DCBLD1: variants seen among roughly 807,000 people sequenced by gnomAD.
DCBLD1 encodes the protein discoidin, CUB and LCCL domain-containing protein 1.
A neutral mutation model predicts 71.5 loss-of-function variants in DCBLD1; 57 were observed. The ratio of observed to expected loss-of-function variants is 0.80; its 90% CI spans 0.64 to 0.99. The LOEUF (loss-of-function observed/expected upper bound fraction) is 0.99. Among genes scored for constraint, DCBLD1 ranks in the 50% least tolerant of loss-of-function variants. DCBLD1 has a pLI of 0.00. For synonymous variants in DCBLD1, 380 were observed against 363.8 expected (o/e 1.04, Z -0.51); for missense variants, 891 against 923.5 (o/e 0.96, Z 0.46).
At chr6:117,558,234 C>T (rs534660581) in intron 14 of DCBLD1, among the ~76,000 whole-genome samples, 1 of 152,302 alleles carries the variant, frequency 6.6e-6, no homozygotes, top group Admixed American at 6.5e-5. Context: ...GCCTGAAGCT[C>T]AGCTGTTTCA....
At chr6:117,535,091 A>G (rs1290178377) in intron 6 of DCBLD1, among the ~76,000 whole-genome samples, 2 of 152,214 alleles carry the variant, frequency 1.3e-5, no homozygotes, top group African/African-American at 4.8e-5. Flanking sequence ...GAAACACTGT[A>G]CATGCGGTCA....
chr6:117,484,035 A>T (rs139397409), intron 1 of DCBLD1, among the ~76,000 whole-genome samples: 1 of 152,246 alleles, frequency 6.6e-6, no homozygotes, highest in East Asian at 1.9e-4. Context: ...GTACTGTAGC[A>T]CAATACTAGG....
At chr6:117,530,265 G>A (rs541449679) in intron 5 of DCBLD1, among the ~76,000 whole-genome samples, 9 of 152,148 alleles carry the variant, frequency 5.9e-5, no homozygotes, top group Non-Finnish European at 1.0e-4. Context: ...TGGCAACAGG[G>A]ACCACTTTTG....
chr6:117,523,601 T>C (rs1259753284), intron 4 of DCBLD1, among the ~76,000 whole-genome samples: 1 of 152,216 alleles, frequency 6.6e-6, no homozygotes, highest in Non-Finnish European at 1.5e-5. Flanking sequence ...GGGAATTGGC[T>C]CTAGGGAATT....
chr6:117,568,394 T>C (rs2114605589), intron 14 of DCBLD1, among the ~76,000 whole-genome samples: 1 of 152,326 alleles, frequency 6.6e-6, no homozygotes, highest in East Asian at 1.9e-4. Context: ...TCTTTGGTGC[T>C]CTTCTTTCCC....
chr6:117,517,449 A>G (rs1316089608), intron 2 of DCBLD1, among the ~76,000 whole-genome samples: 1 of 151,930 alleles, frequency 6.6e-6, no homozygotes. Context: ...TTCAGGTGCA[A>G]TGGATCTACC....
At chr6:117,550,280 G>A (rs1471427666), downstream of DCBLD1, among the ~76,000 whole-genome samples, 4 of 152,082 alleles carry the variant, frequency 2.6e-5, no homozygotes, top group Non-Finnish European at 5.9e-5. Flanking sequence ...CTTCCTCAGG[G>A]TAGACTCTGT....
rs1191402591 is a variant in DCBLD1, at chr6:117,547,908, T to C, written c.1617T>C (p.Asp539=). 6.4e-7 allele frequency: 1 copy of C among 1,550,454 alleles called. No individual in the cohort carries two copies. The highest frequency in any genetic ancestry group is 1.2e-5 in the South Asian group (1 of 84,056). ...CTGCCATCTGTCTTGTGGTTTCAGATTACCAGCAGCCCCTCATGATTGGCA... is the reference window on the plus strand; with the variant it reads ...CTGCCATCTGTCTTGTGGTTTCAGACTACCAGCAGCCCCTCATGATTGGCA... ...KLDLITSDMA[D]YQQPLMIGTG... is the part of the protein sequence containing the mutation. The change falls in exon 15 of 15, where the codon GAT becomes GAC. Residue 539 remains aspartate (D), a splice_region_variant and synonymous_variant. Transcript: ENST00000338728.
At chr6:117,528,990 G>A (rs1325343515) in intron 5 of DCBLD1, among the ~76,000 whole-genome samples, 1 of 152,104 alleles carries the variant, frequency 6.6e-6, no homozygotes, top group Non-Finnish European at 1.5e-5. Context: ...ACAGACGCCT[G>A]CCACCATGCC....
intron 14 of DCBLD1, 88 bp from the exon 15 acceptor site, chr6:117,547,819 A>G (rs1779319891): frequency 6.5e-7 from 1 of 1,546,034 alleles, no homozygotes; most frequent in Non-Finnish European, 8.7e-7. Context: ...GTCAGTCACC[A>G]CGACCTGAAG....
intron 14 of DCBLD1, among the ~76,000 whole-genome samples, chr6:117,556,712 A>ATTTC (rs1257285013): frequency 1.3e-5 from 2 of 151,984 alleles, no homozygotes; most frequent in African/African-American, 4.8e-5. Context: ...TTTCAATATA[A>ATTTC]TTTCTTTCTT....
intron 14 of DCBLD1, chr6:117,563,227 AC>A (rs770014429): frequency 8.7e-6 from 14 of 1,602,884 alleles, no homozygotes; most frequent in Middle Eastern, 1.7e-4. Flanking sequence ...AGTCTGATTA[AC>A]AATCTTGTCT....
chr6:117,519,752 C>T, intron 2 of DCBLD1, 64 bp from the exon 3 acceptor site: 2 of 1,571,634 alleles, frequency 1.3e-6, no homozygotes, highest in South Asian at 2.3e-5. Context: ...AAAAAAATGC[C>T]ATATACCAGT....
chr6:117,543,855 G>T (rs1183305639), intron 12 of DCBLD1, among the ~76,000 whole-genome samples: 1 of 152,090 alleles, frequency 6.6e-6, no homozygotes, highest in Admixed American at 6.5e-5. Context: ...GCCTCCCCAA[G>T]CCTGTTTCCT....
intron 1 of DCBLD1, among the ~76,000 whole-genome samples, chr6:117,497,512 G>A (rs531565949): frequency 3.9e-5 from 6 of 152,190 alleles, no homozygotes; most frequent in Admixed American, 2.0e-4. Flanking sequence ...AAAGTAGCTT[G>A]TATATCGACA....
intron 14 of DCBLD1, among the ~76,000 whole-genome samples, chr6:117,565,940 T>C (rs144449191): frequency 6.8e-4 from 104 of 152,322 alleles, no homozygotes; most frequent in African/African-American, 2.4e-3. Context: ...AAGTGCTTTA[T>C]GCATACTTCC....
At chr6:117,567,158 A>G in intron 14 of DCBLD1, 3 of 600,854 alleles carry the variant, frequency 5.0e-6, no homozygotes, top group South Asian at 6.3e-5. Flanking sequence ...TTTCCAGAAA[A>G]TAAATAATAA....
At chr6:117,504,137 C>G (rs2114428315) in intron 2 of DCBLD1, among the ~76,000 whole-genome samples, 158 bp downstream of exon 2, 1 of 152,306 alleles carries the variant, frequency 6.6e-6, no homozygotes, top group East Asian at 1.9e-4. Flanking sequence ...ACATTTGCTT[C>G]ATAAGCTGAA....
At chr6:117,535,419 A>G (rs1276856094) in intron 6 of DCBLD1, among the ~76,000 whole-genome samples, 2 of 152,122 alleles carry the variant, frequency 1.3e-5, no homozygotes, top group East Asian at 3.9e-4. Flanking sequence ...CATTCACTCT[A>G]ATGTGTGAAT....
Sources: gnomAD v4.1 joint callset for allele counts (sites outside exome capture counted in the v4.1 genomes callset) on GRCh38, gnomAD v4.1.1 for gene constraint, MANE v1.5 for transcripts, NCBI Gene and HGNC (gene_info 2026-07-23, HGNC 2026-07-21) for gene names.